Variants in GRIA3 observed in about 807,000 individuals in gnomAD.
GRIA3 encodes the protein glutamate ionotropic receptor AMPA type subunit 3.
A neutral mutation model predicts 63.0 loss-of-function variants in GRIA3; 3 were observed. That is an observed-to-expected ratio of 0.05 (90% confidence interval 0.02 to 0.12). The LOEUF is 0.12. GRIA3 is among the 10% of genes least tolerant of loss of function. The probability of loss-of-function intolerance (pLI) is 1.00; values close to 1 mark genes in which losing one functional copy is unlikely to be tolerated. For missense variants in GRIA3, 347 were observed against 700.9 expected, an observed-to-expected ratio of 0.50 and a Z score of 5.70; for synonymous variants, 274 against 257.9, an observed-to-expected ratio of 1.06 and a Z score of -0.60.
At chrX:123,274,178 G>A (rs1208650443) in intron 3 of GRIA3, among the ~76,000 whole-genome samples, 1 of 112,359 alleles carries the variant, frequency 8.9e-6, no homozygotes, top group Non-Finnish European at 1.9e-5. Context: ...CCTAAATATC[G>A]CATGGGACAT....
intron 13 of GRIA3, 54 bp from the exon 14 acceptor site, chrX:123,480,009 G>C (rs2045905054): frequency 1.2e-6 from 1 of 833,119 alleles, no homozygotes; most frequent in African/African-American, 2.0e-5. Flanking sequence ...TTTGAAGCTT[G>C]AATAACATAA....
chrX:123,272,934 G>A (rs186021960), intron 3 of GRIA3, among the ~76,000 whole-genome samples: 4 of 111,465 alleles, frequency 3.6e-5, no homozygotes, highest in East Asian at 2.8e-4. Flanking sequence ...CAAAACCTCC[G>A]CTGGCCACCT....
chrX:123,337,630 CA>C (rs1217990133), intron 4 of GRIA3, among the ~76,000 whole-genome samples: 1 of 111,715 alleles, frequency 9.0e-6, no homozygotes, highest in East Asian at 2.8e-4. Flanking sequence ...AGTGTGACCT[CA>C]GTAATACTCT....
intron 3 of GRIA3, among the ~76,000 whole-genome samples, chrX:123,290,586 C>CTGTGTGTG (rs761564682): frequency 1.5e-3 from 137 of 90,196 alleles, no homozygotes; most frequent in Middle Eastern, 5.6e-3. Flanking sequence ...CCTCAAAGGA[C>CTGTGTGTG]TGTGTGTGTG....
intron 10 of GRIA3, among the ~76,000 whole-genome samples, chrX:123,411,021 T>A (rs2045502524): frequency 8.9e-6 from 1 of 111,982 alleles, no homozygotes; most frequent in Admixed American, 9.5e-5. Context: ...GCCTCATTCT[T>A]TTCTCCAGAT....
intron 2 of GRIA3, among the ~76,000 whole-genome samples, chrX:123,218,873 A>AGTGACAGCT (rs1928226567): frequency 8.9e-6 from 1 of 112,076 alleles, no homozygotes; most frequent in Non-Finnish European, 1.9e-5. Context: ...TGCTTTCCAA[A>AGTGACAGCT]GTGACAGCTG....
At chrX:123,415,040 A>G (rs1298524268) in intron 10 of GRIA3, among the ~76,000 whole-genome samples, 3 of 112,208 alleles carry the variant, frequency 2.7e-5, no homozygotes, top group Non-Finnish European at 5.6e-5. Context: ...TCCCAACAAC[A>G]GTGTAAAAGC....
At chrX:123,373,430 G>A (rs995342009) in intron 5 of GRIA3, among the ~76,000 whole-genome samples, 9 of 111,704 alleles carry the variant, frequency 8.1e-5, no homozygotes, top group Non-Finnish European at 1.9e-5. Context: ...AGATCCCTGA[G>A]GAATCGCCAC....
At chrX:123,407,815 A>G (rs1808777252) in intron 10 of GRIA3, among the ~76,000 whole-genome samples, 1 of 110,308 alleles carries the variant, frequency 9.1e-6, no homozygotes, top group Non-Finnish European at 1.9e-5. Context: ...CCAACAGCTA[A>G]AGTGTGGTTT....
chrX:123,251,589 C>T (rs1304824074), intron 2 of GRIA3, among the ~76,000 whole-genome samples: 1 of 110,562 alleles, frequency 9.0e-6, no homozygotes, highest in East Asian at 2.8e-4. Flanking sequence ...GTGCCCGCCA[C>T]CATGCCCAGC....
chrX:123,245,404 T>C (rs1175407582), intron 2 of GRIA3, among the ~76,000 whole-genome samples: 1 of 111,070 alleles, frequency 9.0e-6, no homozygotes, highest in Non-Finnish European at 1.9e-5. Context: ...CACATGGAGG[T>C]AGTGAGATTA....
chrX:123,456,034 GTAGA>G (rs1424985902), intron 12 of GRIA3, among the ~76,000 whole-genome samples: 1 of 111,782 alleles, frequency 8.9e-6, no homozygotes, highest in African/African-American at 3.3e-5. Flanking sequence ...TACTGAGGGG[GTAGA>G]TTCATGGAAA....
intron 4 of GRIA3, among the ~76,000 whole-genome samples, chrX:123,329,840 A>G (rs984207021): frequency 8.9e-6 from 1 of 112,122 alleles, no homozygotes; most frequent in African/African-American, 3.2e-5. Context: ...ACTCAATTCA[A>G]TGACCAATCT....
intron 7 of GRIA3, among the ~76,000 whole-genome samples, chrX:123,402,005 T>C (rs572857466): frequency 8.9e-6 from 1 of 111,777 alleles, no homozygotes; most frequent in South Asian, 3.7e-4. Context: ...CTCTTGCTAA[T>C]TCATAATACT....
chrX:123,282,244 A>T (rs1188359895), intron 3 of GRIA3, among the ~76,000 whole-genome samples: 1 of 112,518 alleles, frequency 8.9e-6, no homozygotes, highest in Non-Finnish European at 1.9e-5. Flanking sequence ...TATGCATGAA[A>T]GAAAATTAAA....
intron 10 of GRIA3, among the ~76,000 whole-genome samples, chrX:123,411,013 C>A (rs2045502492): frequency 8.9e-6 from 1 of 111,779 alleles, no homozygotes; most frequent in African/African-American, 3.3e-5. Flanking sequence ...TTAAATAAGC[C>A]TCATTCTTTT....
Position 123,463,644 on chromosome X carries a change from GAA to G in GRIA3, c.2077-1219_2077-1218del, listed in dbSNP as rs1450106556. On this transcript the variant is annotated intron_variant, in intron 12 of 15. Transcript: ENST00000620443. ...AGAAAGAAAGAAAGAAAGAAAGAAA[GAA>G]AGAAAGAAAGAAAGAAAGAAAGAAA... Among the ~76,000 whole-genome samples the G allele has an allele frequency of 2.8e-3, 124 of 44,967 alleles. 7 individuals carry two copies. Among genetic ancestry groups the G allele is most frequent in the African/African-American group, 0.014 (118 of 8,551 alleles). 39.0% of individuals were successfully genotyped at this position (44,967 alleles called of 115,157 possible).
intron 12 of GRIA3, among the ~76,000 whole-genome samples, chrX:123,445,827 G>C (rs1239734079): frequency 1.8e-5 from 2 of 111,889 alleles, no homozygotes; most frequent in Admixed American, 1.9e-4. Flanking sequence ...CTAGGAGGAG[G>C]GCTTTCAGAA....
chrX:123,245,171 C>G (rs2044351144), intron 2 of GRIA3, among the ~76,000 whole-genome samples: 1 of 112,228 alleles, frequency 8.9e-6, no homozygotes, highest in Non-Finnish European at 1.9e-5. Flanking sequence ...CAATCATGAT[C>G]CTTAAGACTT....
Sources: allele counts gnomAD v4.1 joint callset (sites outside exome capture counted in the v4.1 genomes callset), GRCh38; gene constraint gnomAD v4.1.1; transcripts MANE v1.5; gene names NCBI Gene and HGNC (gene_info 2026-07-23, HGNC 2026-07-21).